PRKN: variants seen among roughly 807,000 people sequenced by gnomAD.
PRKN encodes E3 ubiquitin-protein ligase parkin.
Under a neutral mutation model 59.5 loss-of-function variants are expected in PRKN, and 56 were observed. The ratio of observed to expected loss-of-function variants is 0.94; its 90% CI spans 0.76 to 1.18. PRKN has a LOEUF of 1.18. Among genes scored for constraint, PRKN ranks in the 50% most tolerant of loss-of-function variants. The probability of loss-of-function intolerance (pLI) is 0.00; values close to 1 mark genes in which losing one functional copy is unlikely to be tolerated. For synonymous variants in PRKN, 250 were observed against 222.1 expected (o/e 1.13, Z -1.12); for missense variants, 657 against 596.4 (o/e 1.10, Z -1.06).
chr6:162,724,351 C>A (rs1562527159), intron 1 of PRKN, among the ~76,000 whole-genome samples: 1 of 152,136 alleles, frequency 6.6e-6, no homozygotes, highest in Non-Finnish European at 1.5e-5. Flanking sequence ...ACATCAATCA[C>A]AATGCAGGTG....
chr6:162,616,277 TG>T (rs1460275373), intron 1 of PRKN, among the ~76,000 whole-genome samples: 1 of 152,166 alleles, frequency 6.6e-6, no homozygotes, highest in African/African-American at 2.4e-5. Flanking sequence ...GTAAGCCCGC[TG>T]GGGACAAGGG....
At chr6:162,620,918 T>C (rs1204800252) in intron 1 of PRKN, among the ~76,000 whole-genome samples, 2 of 152,200 alleles carry the variant, frequency 1.3e-5, no homozygotes, top group East Asian at 1.9e-4. Context: ...TAGAATTCTA[T>C]ATTTAAATTA....
At chr6:161,948,860 T>C (rs1414879438) in intron 6 of PRKN, among the ~76,000 whole-genome samples, 1 of 152,214 alleles carries the variant, frequency 6.6e-6, no homozygotes, top group African/African-American at 2.4e-5. Context: ...GCAGTCAGTG[T>C]GCATTTACCA....
rs1779436608 is a variant in PRKN at position 162,673,923 on chromosome 6, T to C, written c.7+53739A>G. ...AGGAGTCAAAGCCTGATTTCACCAG[T>C]TGTTAGCACTGTAGGACTCTGGAGA... On this transcript the variant is annotated intron_variant, in intron 1 of 11. Transcript: ENST00000366898. Among the ~76,000 whole-genome samples the C allele has an allele frequency of 1.3e-5, 2 of 152,148 alleles. 1 individual carries two copies. Among genetic ancestry groups the C allele is most frequent in the South Asian group, 4.1e-4 (2 of 4,832 alleles).
intron 3 of PRKN, among the ~76,000 whole-genome samples, chr6:162,249,266 CT>C (rs1050548640): frequency 6.6e-6 from 1 of 152,198 alleles, no homozygotes. Context: ...ATTCTCCTTA[CT>C]TTTTCATGAG....
At chr6:162,726,854 A>G (rs1391084916) in intron 1 of PRKN, among the ~76,000 whole-genome samples, 1 of 152,172 alleles carries the variant, frequency 6.6e-6, no homozygotes, top group Admixed American at 6.5e-5. Context: ...CATTTCCATT[A>G]ATTTTCAGGG....
intron 3 of PRKN, among the ~76,000 whole-genome samples, chr6:162,216,536 CA>C (rs35025497): frequency 0.048 from 1,663 of 34,940 alleles, 8 homozygotes; most frequent in African/African-American, 0.096. Flanking sequence ...GACTCCGTCT[CA>C]AAAAAAAAAA....
chr6:161,998,428 T>C (rs1020144288), intron 5 of PRKN, among the ~76,000 whole-genome samples: 2 of 152,140 alleles, frequency 1.3e-5, no homozygotes, highest in Non-Finnish European at 1.5e-5. Flanking sequence ...ACTACACATA[T>C]GAAAACCCCC....
At chr6:162,321,728 C>T (rs1227801813) in intron 2 of PRKN, among the ~76,000 whole-genome samples, 12 of 151,782 alleles carry the variant, frequency 7.9e-5, no homozygotes, top group Admixed American at 7.9e-4. Flanking sequence ...ACATAATTTA[C>T]CATGGTAAGA....
intron 7 of PRKN, among the ~76,000 whole-genome samples, chr6:161,635,940 C>A (rs1452038078): frequency 1.3e-5 from 2 of 152,152 alleles, no homozygotes; most frequent in African/African-American, 4.8e-5. Context: ...AAGAGCCCAC[C>A]AAGGGCTGAA....
intron 9 of PRKN, among the ~76,000 whole-genome samples, chr6:161,469,573 A>AG (rs1790672724): frequency 7.2e-6 from 1 of 138,934 alleles, no homozygotes; most frequent in Admixed American, 7.0e-5. Flanking sequence ...GAGAGAGAGA[A>AG]AGAGAGAGAG....
intron 6 of PRKN, among the ~76,000 whole-genome samples, chr6:161,878,935 G>C (rs1479892836): frequency 1.3e-5 from 2 of 152,148 alleles, no homozygotes; most frequent in Non-Finnish European, 2.9e-5. Context: ...CAAATTTGTT[G>C]TATCAATTTA....
Position 162,151,825 on chromosome 6 carries a change from T to G in PRKN, c.534+49306A>C, listed in dbSNP as rs561245838. The stretch of plus-strand genomic sequence containing the variant: ...AATCAATTTTTTTATTCACATAGGG[T>G]AAGAAATCTTTTCTATAAGGTGAAA... On this transcript the variant is annotated intron_variant, in intron 4 of 11. Coordinates refer to ENST00000366898, the MANE Select transcript of PRKN (RefSeq NM_004562.3). 2.6e-5 allele frequency among the ~76,000 whole-genome samples: 4 copies of G among 152,198 alleles called. No individual in the cohort carries two copies. The South Asian group carries it at 8.3e-4, about 32-fold the overall frequency.
Position 161,576,748 on chromosome 6 carries a change from G to A in PRKN, c.872-7332C>T, listed in dbSNP as rs1281528773. On this transcript the variant is annotated intron_variant, in intron 7 of 11. Coordinates refer to ENST00000366898, the MANE Select transcript of PRKN (RefSeq NM_004562.3). The surrounding 1 kb of genome is among the most constrained non-coding windows in gnomAD (Gnocchi z 4.6). Reference sequence around the variant, plus strand: ...AGAAAATACAACAGTATAAAGGGCAGGGTTGGCTAACGTAAAAGTAAGTGT... The same window carrying A: ...AGAAAATACAACAGTATAAAGGGCAAGGTTGGCTAACGTAAAAGTAAGTGT... Among the ~76,000 whole-genome samples the A allele has an allele frequency of 1.3e-5, 2 of 152,238 alleles. No homozygotes were observed. The highest frequency in any genetic ancestry group is 4.8e-5 in the African/African-American group (2 of 41,458).
Position 161,475,559 on chromosome 6 carries a change from C to G in PRKN, c.1083+73295G>C, listed in dbSNP as rs7757746. On this transcript the variant is annotated intron_variant, in intron 9 of 11. Transcript: ENST00000366898. The surrounding 1 kb of genome is among the most constrained non-coding windows in gnomAD (Gnocchi z 5.3). Reference sequence around the variant, plus strand: ...CGCTCTGTGGCCCAGGCTGGAGTGCCGCGGTGCAATACAACTTGCCGCAGT... The same window carrying G: ...CGCTCTGTGGCCCAGGCTGGAGTGCGGCGGTGCAATACAACTTGCCGCAGT... 6.6e-6 allele frequency among the ~76,000 whole-genome samples: 1 copy of G among 152,016 alleles called. No homozygotes were observed. The highest frequency in any genetic ancestry group is 1.5e-5 in the Non-Finnish European group (1 of 68,018).
At chr6:161,375,102 C>A (rs975774120) in intron 10 of PRKN, among the ~76,000 whole-genome samples, 1 of 151,606 alleles carries the variant, frequency 6.6e-6, no homozygotes, top group South Asian at 2.1e-4. Context: ...CAGGCCGTGA[C>A]CCCCACAGGT....
At chr6:162,664,087 C>CCTCT (rs568100620) in intron 1 of PRKN, among the ~76,000 whole-genome samples, 156 of 152,118 alleles carry the variant, frequency 1.0e-3, no homozygotes, top group African/African-American at 3.7e-3. Flanking sequence ...GTGTTGTTAC[C>CCTCT]CTGTGTCCAG....
In PRKN at chr6:162,611,982, G is replaced by A. The variant is rs373687114; in HGVS notation, c.7+115680C>T. On this transcript the variant is annotated intron_variant, in intron 1 of 11. Transcript: ENST00000366898. Reference sequence around the variant, plus strand: ...GGGCGTATCATAAGGTCAGGAGATCGAGACCATCCTGGCTAACACGGTGAA... The same window carrying A: ...GGGCGTATCATAAGGTCAGGAGATCAAGACCATCCTGGCTAACACGGTGAA... 7.1e-4 allele frequency among the ~76,000 whole-genome samples: 107 copies of A among 151,468 alleles called. No individual in the cohort carries two copies. In the East Asian group the frequency reaches 9.0e-3, roughly 13 times the overall value.
chr6:162,609,501 T>C (rs992793316), intron 1 of PRKN, among the ~76,000 whole-genome samples: 3 of 152,216 alleles, frequency 2.0e-5, no homozygotes, highest in Non-Finnish European at 4.4e-5. Flanking sequence ...CTCCTATAGT[T>C]ATGATTCTTC....
Sources: allele counts gnomAD v4.1 joint callset (sites outside exome capture counted in the v4.1 genomes callset), GRCh38; gene constraint gnomAD v4.1.1; non-coding constraint Gnocchi (gnomAD v3.1); transcripts MANE v1.5; gene names NCBI Gene and HGNC (gene_info 2026-07-23, HGNC 2026-07-21).